SLC24A2: variants seen among roughly 807,000 people sequenced by gnomAD.
The protein encoded by SLC24A2 is solute carrier family 24 member 2.
In SLC24A2, 36 loss-of-function variants were observed where a neutral mutation model predicts 62.0. The ratio of observed to expected loss-of-function variants is 0.58; its 90% CI spans 0.44 to 0.77. The LOEUF (loss-of-function observed/expected upper bound fraction) is 0.77, where lower values mean the gene tolerates loss of function less well. Ranked by LOEUF, SLC24A2 falls within the 30% of genes least tolerant of loss-of-function variation. The pLI is 0.00. For synonymous variants in SLC24A2, 358 were observed against 294.0 expected, an observed-to-expected ratio of 1.22 and a Z score of -2.23; for missense variants, 846 against 817.9, an observed-to-expected ratio of 1.03 and a Z score of -0.42.
chr9:20,110,673 A>T, the SLC24A2 span, among the ~76,000 whole-genome samples: 2 of 152,098 alleles, frequency 1.3e-5, no homozygotes, highest in African/African-American at 4.8e-5. Context: ...AATTGTCTTG[A>T]CTCTTATTGA....
chr9:20,027,674 G>C, the SLC24A2 span, among the ~76,000 whole-genome samples: 1 of 152,102 alleles, frequency 6.6e-6, no homozygotes, highest in Admixed American at 6.5e-5. Context: ...GGATGGGGAG[G>C]TGTTTGTCAA....
the SLC24A2 span, among the ~76,000 whole-genome samples, chr9:20,243,104 C>G: frequency 6.5e-3 from 984 of 152,264 alleles, 6 homozygotes; most frequent in African/African-American, 0.023. Context: ...TGGTTACAGA[C>G]GAAAGGACTC....
the SLC24A2 span, among the ~76,000 whole-genome samples, chr9:20,222,670 T>C: frequency 6.6e-5 from 10 of 152,058 alleles, no homozygotes; most frequent in African/African-American, 2.4e-4. Flanking sequence ...ATAAGAATAG[T>C]TCAATAGAAG....
chr9:20,159,280 C>G, the SLC24A2 span, among the ~76,000 whole-genome samples: 961 of 151,706 alleles, frequency 6.3e-3, 12 homozygotes, highest in African/African-American at 0.022. Context: ...CTCTTAGGAG[C>G]CTTTTCAGAC....
chr9:20,304,429 A>C, the SLC24A2 span, among the ~76,000 whole-genome samples: 1 of 152,228 alleles, frequency 6.6e-6, no homozygotes, highest in Non-Finnish European at 1.5e-5. Flanking sequence ...AATTGTTTTA[A>C]AGTACTTAAA....
the SLC24A2 span, among the ~76,000 whole-genome samples, chr9:19,949,362 T>C: frequency 6.6e-6 from 1 of 152,132 alleles, no homozygotes; most frequent in African/African-American, 2.4e-5. Context: ...CAACGATTTT[T>C]CCTAGATATG....
chr9:19,795,178 A>G, the SLC24A2 span, among the ~76,000 whole-genome samples: 2 of 152,178 alleles, frequency 1.3e-5, no homozygotes, highest in Non-Finnish European at 2.9e-5. Context: ...AGCTTCCTCC[A>G]TCTCCTCCAT....
At chr9:19,766,769 G>T (rs576061785) in intron 2 of SLC24A2, among the ~76,000 whole-genome samples, 1 of 152,304 alleles carries the variant, frequency 6.6e-6, no homozygotes, top group Non-Finnish European at 1.5e-5. Flanking sequence ...AGGCATGAGG[G>T]TCAGCGACCC....
At chr9:20,173,701 C>T in the SLC24A2 span, among the ~76,000 whole-genome samples, 6 of 151,966 alleles carry the variant, frequency 3.9e-5, no homozygotes, top group Middle Eastern at 0.017. Context: ...AATCATAGAA[C>T]ACACAAACAA....
At chr9:20,055,820 C>T in the SLC24A2 span, among the ~76,000 whole-genome samples, 3 of 152,032 alleles carry the variant, frequency 2.0e-5, no homozygotes, top group African/African-American at 4.8e-5. Flanking sequence ...ACCCAGGATG[C>T]GGAGGATGCA....
the SLC24A2 span, among the ~76,000 whole-genome samples, chr9:20,137,609 G>A: frequency 6.6e-6 from 1 of 152,186 alleles, no homozygotes; most frequent in Non-Finnish European, 1.5e-5. Flanking sequence ...GGAACTCATG[G>A]CTTCTATTCC....
At chr9:20,131,843 G>A in the SLC24A2 span, among the ~76,000 whole-genome samples, 1 of 152,208 alleles carries the variant, frequency 6.6e-6, no homozygotes, top group Admixed American at 6.5e-5. Context: ...CAGGTTTAGT[G>A]TCATAAGAGA....
At chr9:19,564,005 C>G (rs1244132981) in intron 7 of SLC24A2, among the ~76,000 whole-genome samples, 1 of 151,788 alleles carries the variant, frequency 6.6e-6, no homozygotes, top group Non-Finnish European at 1.5e-5. Flanking sequence ...AGGTGCACAC[C>G]ACCATGCCCT....
At chr9:19,529,546 G>A (rs1178416960) in intron 8 of SLC24A2, among the ~76,000 whole-genome samples, 1 of 152,138 alleles carries the variant, frequency 6.6e-6, no homozygotes, top group East Asian at 1.9e-4. Flanking sequence ...AGACCAAGCA[G>A]GTTTGATTAA....
intron 2 of SLC24A2, among the ~76,000 whole-genome samples, chr9:19,771,429 T>C (rs1822684584): frequency 6.6e-6 from 1 of 152,244 alleles, no homozygotes; most frequent in Non-Finnish European, 1.5e-5. Flanking sequence ...GAGCTATTTG[T>C]GGCTATCCAC....
chr9:20,131,505 A>C, the SLC24A2 span, among the ~76,000 whole-genome samples: 3 of 152,310 alleles, frequency 2.0e-5, no homozygotes, highest in African/African-American at 7.2e-5. Flanking sequence ...TGCCCCACAC[A>C]GATTTCCTGT....
the SLC24A2 span, among the ~76,000 whole-genome samples, chr9:20,300,930 G>T: frequency 2.0e-5 from 3 of 152,126 alleles, no homozygotes; most frequent in African/African-American, 7.2e-5. Context: ...TCATCATCGT[G>T]ACACATTAAG....
chr9:19,563,827 TCCC>T (rs34036829), intron 7 of SLC24A2, among the ~76,000 whole-genome samples: 4,248 of 71,864 alleles, frequency 0.059, 312 homozygotes, highest in Middle Eastern at 0.1. Flanking sequence ...CCTTCCTTCC[TCCC>T]TCCCTCCCTC....
intron 2 of SLC24A2, among the ~76,000 whole-genome samples, chr9:19,699,791 T>A (rs1045904813): frequency 1.3e-5 from 2 of 152,194 alleles, no homozygotes; most frequent in Non-Finnish European, 2.9e-5. Context: ...CATTATTTAA[T>A]AATTTAGAAA....
Sources: allele counts gnomAD v4.1 joint callset (sites outside exome capture counted in the v4.1 genomes callset), GRCh38; gene constraint gnomAD v4.1.1; transcripts MANE v1.5; gene names NCBI Gene and HGNC (gene_info 2026-07-23, HGNC 2026-07-21).